Variants in FARS2 observed in about 807,000 individuals in gnomAD.
The protein encoded by FARS2 is phenylalanyl-tRNA synthetase 2, mitochondrial.
Under a neutral mutation model 46.4 loss-of-function variants are expected in FARS2, and 40 were observed. The ratio of observed to expected loss-of-function variants is 0.86; its 90% CI spans 0.67 to 1.12. FARS2 has a LOEUF of 1.12. Among genes scored for constraint, FARS2 ranks in the 50% most tolerant of loss-of-function variants. The pLI is 0.00. For missense variants in FARS2, 513 were observed against 567.9 expected, an observed-to-expected ratio of 0.90 and a Z score of 0.98; for synonymous variants, 234 against 214.9, an observed-to-expected ratio of 1.09 and a Z score of -0.78.
At chr6:5,478,186 G>A (rs1438321078) in intron 4 of FARS2, among the ~76,000 whole-genome samples, 5 of 152,166 alleles carry the variant, frequency 3.3e-5, no homozygotes, top group Non-Finnish European at 5.9e-5. Context: ...CTGAAAGAGC[G>A]CAGATTGATG....
At chr6:5,532,816 T>C (rs1432568087) in intron 4 of FARS2, among the ~76,000 whole-genome samples, 1 of 150,298 alleles carries the variant, frequency 6.7e-6, no homozygotes, top group Non-Finnish European at 1.5e-5. Context: ...AGAAGAATGT[T>C]AATTGCTAGG....
intron 4 of FARS2, among the ~76,000 whole-genome samples, chr6:5,510,518 C>T (rs1052339930): frequency 1.3e-5 from 2 of 152,236 alleles, no homozygotes; most frequent in South Asian, 2.1e-4. Flanking sequence ...GAATGCCCGC[C>T]GCACGCCCAG....
At chr6:5,671,023 G>A (rs548131079) in intron 6 of FARS2, among the ~76,000 whole-genome samples, 122 of 152,304 alleles carry the variant, frequency 8.0e-4, no homozygotes, top group Non-Finnish European at 1.5e-3. Flanking sequence ...ATGAGTGTCA[G>A]TGAACTCATT....
At position 5,418,494 on chromosome 6, in the gene FARS2, G is replaced by T. The variant is rs115017042; in HGVS notation, c.773-12547G>T. On this transcript the variant is annotated intron_variant, in intron 3 of 6. Coordinates refer to ENST00000274680, the MANE Select transcript of FARS2 (RefSeq NM_006567.5). ...TAACCGATAACCCGTGAATTATGAG[G>T]TTTTCCCCTTGGCTGTTGAGAACTG... Among the ~76,000 whole-genome samples, 920 of 152,296 alleles carry T rather than the reference G, an allele frequency of 6.0e-3. 6 individuals are homozygous for T. Among genetic ancestry groups the T allele is most frequent in the Middle Eastern group, 0.017 (5 of 294 alleles).
chr6:5,434,457 A>G (rs1430138023), intron 4 of FARS2, among the ~76,000 whole-genome samples: 1 of 152,226 alleles, frequency 6.6e-6, no homozygotes. Context: ...AACTAAGGAA[A>G]TGGAAGAAGA....
chr6:5,301,491 C>G (rs569910943), intron 1 of FARS2, among the ~76,000 whole-genome samples: 1 of 152,256 alleles, frequency 6.6e-6, no homozygotes, highest in Admixed American at 6.5e-5. Context: ...ACGGCAAGTT[C>G]TCTTTCAAAG....
At chr6:5,752,575 G>A (rs1021841422) in intron 6 of FARS2, among the ~76,000 whole-genome samples, 1 of 152,184 alleles carries the variant, frequency 6.6e-6, no homozygotes, top group Non-Finnish European at 1.5e-5. Context: ...TAACAGCAAG[G>A]ATCACTGCCA....
chr6:5,536,637 T>TAAATACA (rs1770219989), intron 4 of FARS2, among the ~76,000 whole-genome samples: 1 of 152,208 alleles, frequency 6.6e-6, no homozygotes, highest in Non-Finnish European at 1.5e-5. Context: ...GATTGATGTG[T>TAAATACA]TTGGACCTGA....
intron 6 of FARS2, among the ~76,000 whole-genome samples, chr6:5,623,459 A>C (rs917217460): frequency 2.6e-5 from 4 of 152,188 alleles, no homozygotes; most frequent in African/African-American, 9.7e-5. Context: ...CATGTGTGTA[A>C]TCCCAGCACT....
chr6:5,431,912 T>A (rs1400875740), intron 4 of FARS2: 1 of 201,204 alleles, frequency 5.0e-6, no homozygotes, highest in Non-Finnish European at 1.1e-5. Flanking sequence ...CTGAATTGGG[T>A]ATTTTTTTTA....
chr6:5,435,277 A>G (rs560095987), intron 4 of FARS2, among the ~76,000 whole-genome samples: 1 of 152,330 alleles, frequency 6.6e-6, no homozygotes, highest in East Asian at 1.9e-4. Flanking sequence ...ACAAAACTTT[A>G]TTTGTTCTGT....
chr6:5,594,813 G>A (rs575484673), intron 5 of FARS2, among the ~76,000 whole-genome samples: 40 of 152,334 alleles, frequency 2.6e-4, no homozygotes, highest in South Asian at 1.2e-3. Context: ...GGAGGGGTTC[G>A]ATGAGGCCGA....
chr6:5,404,723 G>A, intron 3 of FARS2, 22 bp downstream of exon 3: 1 of 1,509,656 alleles, frequency 6.6e-7, no homozygotes, highest in Non-Finnish European at 8.9e-7. Flanking sequence ...AACACAGGTT[G>A]ACGATCTCTT....
At chr6:5,263,222 C>T (rs577278129) in intron 1 of FARS2, among the ~76,000 whole-genome samples, 1 of 152,126 alleles carries the variant, frequency 6.6e-6, no homozygotes, top group Non-Finnish European at 1.5e-5. Flanking sequence ...CATTAACGTA[C>T]ATAATTAATG....
chr6:5,611,938 A>G (rs1306661867), intron 5 of FARS2, among the ~76,000 whole-genome samples: 2 of 152,088 alleles, frequency 1.3e-5, no homozygotes, highest in East Asian at 3.9e-4. Context: ...CTAAATTTCC[A>G]TTTTCCATAA....
chr6:5,535,364 A>G (rs1261700151), intron 4 of FARS2, among the ~76,000 whole-genome samples: 2 of 152,174 alleles, frequency 1.3e-5, no homozygotes, highest in African/African-American at 2.4e-5. Flanking sequence ...GTATCATGCA[A>G]CTTTACTGAA....
intron 6 of FARS2, among the ~76,000 whole-genome samples, chr6:5,642,949 T>C (rs1213323264): frequency 6.6e-6 from 1 of 152,240 alleles, no homozygotes; most frequent in African/African-American, 2.4e-5. Context: ...TCACGCTGGC[T>C]GTGGTTGGGT....
chr6:5,674,193 T>TAAAAAAAAAAAAAAAAAA (rs71540878), intron 6 of FARS2, among the ~76,000 whole-genome samples: 1 of 76,350 alleles, frequency 1.3e-5, no homozygotes, highest in Non-Finnish European at 2.5e-5. Context: ...GCATTCTCAT[T>TAAAAAAAAAAAAAAAAAA]AAAAAAAAAA....
intron 5 of FARS2, among the ~76,000 whole-genome samples, chr6:5,594,323 TA>T (rs1774082150): frequency 6.6e-6 from 1 of 152,206 alleles, no homozygotes; most frequent in African/African-American, 2.4e-5. Flanking sequence ...GTTCTTTGTT[TA>T]AATTTATGTT....
Sources: gnomAD v4.1 joint callset for allele counts (sites outside exome capture counted in the v4.1 genomes callset) on GRCh38, gnomAD v4.1.1 for gene constraint, MANE v1.5 for transcripts, NCBI Gene and HGNC (gene_info 2026-07-23, HGNC 2026-07-21) for gene names.